The following FAM237A variants were observed in gnomAD, a reference collection of about 807,000 sequenced individuals.
FAM237A encodes the protein protein FAM237A.
FAM237A carries 14 observed loss-of-function variants against 12.5 expected under a neutral mutation model. That is an observed-to-expected ratio of 1.12 (90% confidence interval 0.74 to 1.75). The LOEUF (loss-of-function observed/expected upper bound fraction) is 1.75, where lower values mean the gene tolerates loss of function less well. Ranked by LOEUF, FAM237A falls within the 40% of genes most tolerant of loss-of-function variation. FAM237A has a pLI of 0.00. For synonymous variants in FAM237A, 85 were observed against 77.5 expected (o/e 1.10, Z -0.51); for missense variants, 240 against 211.7 (o/e 1.13, Z -0.83).
intron 2 of FAM237A, among the ~76,000 whole-genome samples, chr2:206,648,258 G>A (rs1044986197): frequency 1.3e-5 from 2 of 152,190 alleles, no homozygotes; most frequent in Non-Finnish European, 2.9e-5. Flanking sequence ...CGATAGGGTA[G>A]TGGTTAAATA....
chr2:206,645,945 C>T (rs1699311981), intron 2 of FAM237A, among the ~76,000 whole-genome samples: 1 of 150,388 alleles, frequency 6.6e-6, no homozygotes, highest in Admixed American at 6.6e-5. Flanking sequence ...CAGTACAGAC[C>T]ATGGTTTTTT....
At chr2:206,646,487 C>G (rs1003536564) in intron 2 of FAM237A, among the ~76,000 whole-genome samples, 5 of 152,192 alleles carry the variant, frequency 3.3e-5, no homozygotes, top group Admixed American at 6.5e-5. Flanking sequence ...TCCGAGACAG[C>G]TTCAGCTTTG....
chr2:206,646,877 G>A (rs1699323435), intron 2 of FAM237A, among the ~76,000 whole-genome samples: 1 of 152,146 alleles, frequency 6.6e-6, no homozygotes, highest in Non-Finnish European at 1.5e-5. Context: ...GTTAGGTTGG[G>A]ACGGGAGTGA....
At chr2:206,647,632 G>C (rs12621451) in intron 2 of FAM237A, among the ~76,000 whole-genome samples, 97 of 139,654 alleles carry the variant, frequency 6.9e-4, no homozygotes, top group African/African-American at 2.3e-3. Flanking sequence ...GAGACACACA[G>C]ACACACACAC....
Position 206,644,401 on chromosome 2 carries a change from G to T in FAM237A, c.165G>T (p.Val55=), listed in dbSNP as rs754948577. 8 of 1,613,806 alleles carry T rather than the reference G, an allele frequency of 5.0e-6. No individual in the cohort carries two copies. Among genetic ancestry groups the T allele is most frequent in the Middle Eastern group, 1.7e-4 (1 of 6,060 alleles). Residue 55 remains valine, a synonymous_variant, in exon 2 of 3, where the codon GTG becomes GTT. Coordinates refer to ENST00000441223, the MANE Select transcript of FAM237A (RefSeq NM_001102659.3). ...CTCAGTGCTGGGAATCCTCCTCAGT[G>T]CTTCTCCTGGAAATGTGGAAACCTC... ...ADPQCWESSS[V]LLLEMWKPRV... is the part of the protein sequence containing the mutation.
intron 1 of FAM237A, 52 bp from the exon 2 acceptor site, chr2:206,644,175 A>G: frequency 4.1e-6 from 6 of 1,455,558 alleles, no homozygotes; most frequent in Non-Finnish European, 5.5e-6. Flanking sequence ...TATTTTCTTT[A>G]CTGAGCAGAG....
rs1470232971 is a variant in FAM237A, at chr2:206,644,634, CAAG to C, written c.399_401del (p.Arg134del). On this transcript the variant is annotated inframe_deletion, in exon 2 of 3. Transcript: ENST00000441223. Reference sequence around the variant, plus strand: ...ATCTCAGCAGCGCAGCCACAGCACACAAGGAGTAAACAAGGTGGTCAACCCCAG... The same window carrying C: ...ATCTCAGCAGCGCAGCCACAGCACACGAGTAAACAAGGTGGTCAACCCCAG... 2.5e-6 allele frequency: 4 copies of C among 1,581,556 alleles called. No homozygotes were observed. The Admixed American group carries it at 7.2e-5, about 29-fold the overall frequency.
chr2:206,643,427 C>A (rs1574579612), intron 1 of FAM237A: 1 of 151,838 alleles, frequency 6.6e-6, no homozygotes, highest in African/African-American at 2.4e-5. Context: ...GAAGTGGTAA[C>A]AAAAGAACAA....
At chr2:206,646,363 A>G (rs1699317978) in intron 2 of FAM237A, among the ~76,000 whole-genome samples, 1 of 152,152 alleles carries the variant, frequency 6.6e-6, no homozygotes, top group African/African-American at 2.4e-5. Flanking sequence ...ATCTTTTTCT[A>G]TCTTGCACTT....
chr2:206,647,204 A>C (rs1699327714), intron 2 of FAM237A, among the ~76,000 whole-genome samples: 1 of 152,224 alleles, frequency 6.6e-6, no homozygotes, highest in Admixed American at 6.5e-5. Flanking sequence ...CAGTTCTTTC[A>C]ACTGAAAAAG....
intron 1 of FAM237A, among the ~76,000 whole-genome samples, chr2:206,643,052 T>G (rs1699273963): frequency 6.6e-6 from 1 of 152,238 alleles, no homozygotes; most frequent in Admixed American, 6.5e-5. Context: ...TATAGGAACA[T>G]GCATGTTCAA....
chr2:206,646,816 G>A (rs2105882570), intron 2 of FAM237A, among the ~76,000 whole-genome samples: 1 of 152,306 alleles, frequency 6.6e-6, no homozygotes, highest in African/African-American at 2.4e-5. Context: ...GAATGTACCT[G>A]CATGGATCCT....
chr2:206,644,785 C>T (rs1171205588), intron 2 of FAM237A, 137 bp downstream of exon 2: 12 of 803,900 alleles, frequency 1.5e-5, no homozygotes, highest in Non-Finnish European at 2.3e-5. Flanking sequence ...CCCAAGAGCA[C>T]ATAACTGATA....
chr2:206,645,948 G>GT (rs1255475725), intron 2 of FAM237A, among the ~76,000 whole-genome samples: 1 of 150,092 alleles, frequency 6.7e-6, no homozygotes, highest in African/African-American at 2.5e-5. Context: ...TACAGACCAT[G>GT]GTTTTTTTTT....
intron 2 of FAM237A, 105 bp from the exon 3 acceptor site, chr2:206,648,556 G>A: frequency 2.7e-6 from 3 of 1,104,668 alleles, no homozygotes; most frequent in Non-Finnish European, 3.8e-6. Flanking sequence ...TTTGATATTG[G>A]AGTGGCAGAA....
rs939329034 is a variant in FAM237A, at chr2:206,642,527, G to C, written c.-66G>C. 3.9e-5 allele frequency: 6 copies of C among 153,022 alleles called. No homozygotes were observed. The highest frequency in any genetic ancestry group is 1.4e-4 in the African/African-American group (6 of 41,492). The allele number at this position is 153,022 out of a possible 1,614,324, so 9.5% of individuals were successfully genotyped here. A position where few individuals can be genotyped will look rare whatever the true frequency, so the allele number is the denominator to read the frequency against. On this transcript the variant is annotated 5_prime_UTR_variant, in exon 1 of 3. Transcript: ENST00000441223. This position sits in a 1 kb window ranked among gnomAD's most constrained non-coding sequence, Gnocchi z 5.1. ...AGGGAACCCGGAAGGGGCCAGGCGG[G>C]TGAGTGCGGAGGGAAGCCCTTGTGC...
chr2:206,646,535 G>T (rs1313641301), intron 2 of FAM237A, among the ~76,000 whole-genome samples: 1 of 152,182 alleles, frequency 6.6e-6, no homozygotes, highest in African/African-American at 2.4e-5. Context: ...AGTTGTTGGT[G>T]ATTCAGCTGG....
In FAM237A at chr2:206,644,440, T is replaced by C. The variant is rs762527814; in HGVS notation, c.204T>C (p.Thr68=). The C allele has an allele frequency of 1.2e-6, 2 of 1,613,970 alleles. No individual in the cohort carries two copies. Among genetic ancestry groups the C allele is most frequent in the African/African-American group, 1.3e-5 (1 of 75,068 alleles). Residue 68 remains threonine (T), a synonymous_variant, in exon 2 of 3, where the codon ACT becomes ACC. Coordinates refer to ENST00000441223, the MANE Select transcript of FAM237A (RefSeq NM_001102659.3). ...TGTGGAAACCTCGCGTTTCCAACACTGTTTCAGGCTTCTGGGATTTTATGA... is the reference window on the plus strand; with the variant it reads ...TGTGGAAACCTCGCGTTTCCAACACCGTTTCAGGCTTCTGGGATTTTATGA... ...LEMWKPRVSN[T]VSGFWDFMIY...
intron 2 of FAM237A, among the ~76,000 whole-genome samples, chr2:206,647,632 G>GACACACACACACACACACAC (rs34672675): frequency 2.9e-5 from 4 of 139,542 alleles, no homozygotes; most frequent in East Asian, 2.2e-4. Context: ...GAGACACACA[G>GACACACACACACACACACAC]ACACACACAC....
Sources: gnomAD v4.1 joint callset for allele counts (sites outside exome capture counted in the v4.1 genomes callset) on GRCh38, gnomAD v4.1.1 for gene constraint, Gnocchi (gnomAD v3.1) non-coding constraint, MANE v1.5 for transcripts, NCBI Gene and HGNC (gene_info 2026-07-23, HGNC 2026-07-21) for gene names.